Variants in PIN4 observed in about 807,000 individuals in gnomAD.
PIN4 encodes peptidylprolyl cis/trans isomerase, NIMA-interacting 4.
In PIN4, 3 loss-of-function variants were observed where a neutral mutation model predicts 8.3. The observed-to-expected ratio is 0.36, with a 90% CI of 0.16 to 0.93. The LOEUF (loss-of-function observed/expected upper bound fraction) is 0.93. Ranked by LOEUF, PIN4 falls within the 40% of genes least tolerant of loss-of-function variation. The pLI, the probability that PIN4 is intolerant of heterozygous loss-of-function variation, is 0.44. For missense variants in PIN4, 75 were observed against 100.6 expected (o/e 0.75, Z 1.09); for synonymous variants, 18 against 32.5 (o/e 0.55, Z 1.52).
intron 3 of PIN4, among the ~76,000 whole-genome samples, chrX:72,221,139 A>G (rs753628861): frequency 1.7e-4 from 19 of 111,149 alleles, no homozygotes; most frequent in Non-Finnish European, 3.2e-4. Context: ...TCCACCTCCA[A>G]CTTCCCACAA....
At chrX:72,211,339 C>T (rs1466719160) in intron 3 of PIN4, among the ~76,000 whole-genome samples, 1 of 109,833 alleles carries the variant, frequency 9.1e-6, no homozygotes, top group Admixed American at 9.8e-5. Context: ...CCATAACCCT[C>T]AAGCAAGAGA....
downstream of PIN4, among the ~76,000 whole-genome samples, chrX:72,202,984 G>T (rs1382349609): frequency 3.6e-5 from 4 of 111,821 alleles, no homozygotes; most frequent in Non-Finnish European, 5.6e-5. Context: ...GTAGCTTCAG[G>T]ATGGGGGCTG....
chrX:72,191,313 G>A (rs1441129696), intron 2 of PIN4, among the ~76,000 whole-genome samples: 1 of 111,159 alleles, frequency 9.0e-6, no homozygotes, highest in African/African-American at 3.3e-5. Context: ...CACTTTGGGA[G>A]CCCGAGGTGG....
chrX:72,186,261 A>G lies in PIN4; in HGVS notation c.44-200A>G, dbSNP rs183580440. 2.1e-3 allele frequency: 1,006 copies of G among 476,432 alleles called. 1 individual carries two copies. Among genetic ancestry groups the G allele is most frequent in the Middle Eastern group, 5.5e-3 (15 of 2,715 alleles). The allele number at this position is 476,432 out of a possible 1,213,427, so 39.3% of individuals were successfully genotyped here. A position where few individuals can be genotyped will look rare whatever the true frequency, so the allele number is the denominator to read the frequency against. On this transcript the variant is annotated intron_variant, in intron 1 of 3. Coordinates refer to ENST00000373669, the MANE Select transcript of PIN4 (RefSeq NM_006223.4). ...TGTCAACTATCATTAGTGTTAGCGTATTTTGTGTGGCCCAAGATAATTCTT... is the reference window on the plus strand; with the variant it reads ...TGTCAACTATCATTAGTGTTAGCGTGTTTTGTGTGGCCCAAGATAATTCTT...
intron 3 of PIN4, among the ~76,000 whole-genome samples, chrX:72,238,152 GGAT>G (rs1395463402): frequency 9.0e-6 from 1 of 111,626 alleles, no homozygotes; most frequent in African/African-American, 3.3e-5. Flanking sequence ...AAAATGGTTA[GGAT>G]GATAAACTTT....
At chrX:72,242,245 G>A (rs1339547710) in intron 3 of PIN4, among the ~76,000 whole-genome samples, 2 of 112,461 alleles carry the variant, frequency 1.8e-5, no homozygotes, top group Non-Finnish European at 3.8e-5. Flanking sequence ...CTGATCACCG[G>A]GAAGGAAGGA....
At chrX:72,234,636 CAGTG>C (rs1226277843) in intron 3 of PIN4, among the ~76,000 whole-genome samples, 2 of 110,751 alleles carry the variant, frequency 1.8e-5, no homozygotes, top group Non-Finnish European at 3.8e-5. Context: ...GTCCTTATAC[CAGTG>C]AGTGACAAGG....
At chrX:72,228,170 G>A (rs148183998) in intron 3 of PIN4, among the ~76,000 whole-genome samples, 271 of 112,436 alleles carry the variant, frequency 2.4e-3, no homozygotes, top group Non-Finnish European at 4.2e-3. Flanking sequence ...GGGTGGAAGC[G>A]TCAGTTTATA....
intron 2 of PIN4, among the ~76,000 whole-genome samples, chrX:72,193,991 T>C (rs917554952): frequency 8.9e-6 from 1 of 112,217 alleles, no homozygotes. Flanking sequence ...AGTCCAAAAG[T>C]TTAAAATTTT....
downstream of PIN4, among the ~76,000 whole-genome samples, chrX:72,199,967 A>G (rs963203765): frequency 9.0e-6 from 1 of 111,522 alleles, no homozygotes; most frequent in Non-Finnish European, 1.9e-5. Flanking sequence ...GGAGTTCAAG[A>G]CCAGCCTGGC....
chrX:72,235,122 T>C (rs1432489908), intron 3 of PIN4, among the ~76,000 whole-genome samples: 1 of 112,201 alleles, frequency 8.9e-6, no homozygotes, highest in African/African-American at 3.2e-5. Context: ...CAAAGTATTA[T>C]CTTTTATCTT....
intron 3 of PIN4, among the ~76,000 whole-genome samples, chrX:72,223,951 G>A (rs942497474): frequency 9.0e-6 from 1 of 110,816 alleles, no homozygotes; most frequent in African/African-American, 3.3e-5. Flanking sequence ...AAAATGGACT[G>A]TGCCCAATGG....
At chrX:72,234,871 C>A (rs752841009) in intron 3 of PIN4, among the ~76,000 whole-genome samples, 34 of 110,893 alleles carry the variant, frequency 3.1e-4, no homozygotes, top group African/African-American at 1.0e-3. Flanking sequence ...GTCTGAAAAG[C>A]AAGAAGGCAT....
At chrX:72,234,748 A>G (rs1007292501) in intron 3 of PIN4, among the ~76,000 whole-genome samples, 2 of 111,355 alleles carry the variant, frequency 1.8e-5, no homozygotes, top group African/African-American at 6.5e-5. Flanking sequence ...ACACAGAGGG[A>G]ATAATGCTGG....
chrX:72,217,219 C>G (rs1053446760), intron 3 of PIN4, among the ~76,000 whole-genome samples: 1 of 111,723 alleles, frequency 9.0e-6, no homozygotes. Flanking sequence ...ATGTTCAGGT[C>G]TGATTACAAA....
intron 3 of PIN4, chrX:72,239,046 A>T: frequency 1.6e-6 from 1 of 637,622 alleles, no homozygotes; most frequent in Non-Finnish European, 2.3e-6. Context: ...CGCCGTGGAG[A>T]GGGACACAGC....
intron 3 of PIN4, among the ~76,000 whole-genome samples, chrX:72,255,246 G>A (rs1668729128): frequency 9.5e-6 from 1 of 104,929 alleles, no homozygotes; most frequent in South Asian, 4.4e-4. Context: ...CTCCAGCCTG[G>A]GCGACAGAGC....
intron 3 of PIN4, among the ~76,000 whole-genome samples, chrX:72,218,143 G>A (rs927649571): frequency 3.7e-5 from 4 of 109,147 alleles, no homozygotes; most frequent in South Asian, 4.1e-4. Flanking sequence ...GGTGGTGGGC[G>A]CCTGTAGTCC....
At chrX:72,207,086 C>T in intron 3 of PIN4, 1 of 1,211,792 alleles carries the variant, frequency 8.3e-7, no homozygotes, top group Non-Finnish European at 1.1e-6. Context: ...GCATCAGTTG[C>T]AGGATTCCAG....
Sources: allele counts gnomAD v4.1 joint callset (sites outside exome capture counted in the v4.1 genomes callset), GRCh38; gene constraint gnomAD v4.1.1; transcripts MANE v1.5; gene names NCBI Gene and HGNC (gene_info 2026-07-23, HGNC 2026-07-21).